Variants in SMURF1 observed in about 807,000 individuals in gnomAD.
SMURF1 encodes the protein E3 ubiquitin-protein ligase SMURF1.
In SMURF1, 44 loss-of-function variants were observed where a neutral mutation model predicts 98.0. The observed-to-expected ratio is 0.45, with a 90% CI of 0.35 to 0.58. SMURF1 has a LOEUF of 0.58. Among genes scored for constraint, SMURF1 ranks in the 20% least tolerant of loss-of-function variants. SMURF1 has a pLI of 0.00. For missense variants in SMURF1, 687 were observed against 938.4 expected (o/e 0.73, Z 3.50); for synonymous variants, 396 against 374.9 (o/e 1.06, Z -0.65).
At chr7:99,105,396 A>G (rs1797173336) in intron 1 of SMURF1, among the ~76,000 whole-genome samples, 1 of 152,252 alleles carries the variant, frequency 6.6e-6, no homozygotes, top group South Asian at 2.1e-4. Flanking sequence ...ATTACACATT[A>G]TACCCAAACA....
Position 99,040,565 on chromosome 7 carries a change from G to A in SMURF1, c.1372-9C>T. 1 of 1,422,694 alleles carries A rather than the reference G, an allele frequency of 7.0e-7. No individual in the cohort carries two copies. The highest frequency in any genetic ancestry group is 9.2e-7 in the Non-Finnish European group (1 of 1,081,278). 88.1% of individuals were successfully genotyped at this position (1,422,694 alleles called of 1,614,324 possible). ...AAATAAGACAAGTGGTCCTGTAGGG[G>A]GCACCAGAGAACACGAATTTGTCAG... is the stretch of plus-strand genomic sequence containing the variant. On this transcript the variant is annotated splice_polypyrimidine_tract_variant and intron_variant, in intron 12 of 17. Coordinates refer to ENST00000361368, the MANE Select transcript of SMURF1 (RefSeq NM_181349.3).
intron 13 of SMURF1, 70 bp downstream of exon 13, chr7:99,040,308 C>T (rs1025710469): frequency 2.9e-5 from 39 of 1,350,624 alleles, no homozygotes; most frequent in Non-Finnish European, 3.4e-5. Context: ...CGCGCGCGCG[C>T]ACGCGCATAC....
intron 1 of SMURF1, among the ~76,000 whole-genome samples, chr7:99,143,059 G>A (rs1174251413): frequency 6.7e-6 from 1 of 149,042 alleles, no homozygotes; most frequent in Non-Finnish European, 1.5e-5. Flanking sequence ...GCCCAGGCTA[G>A]GAAAGAAGTG....
intron 1 of SMURF1, among the ~76,000 whole-genome samples, chr7:99,091,150 C>T (rs1796801496): frequency 1.3e-5 from 2 of 152,134 alleles, no homozygotes; most frequent in African/African-American, 4.8e-5. Context: ...GTAGTGAGTG[C>T]ATATATACAT....
chr7:99,077,128 A>T (rs1796481195), intron 1 of SMURF1, among the ~76,000 whole-genome samples: 1 of 151,994 alleles, frequency 6.6e-6, no homozygotes, highest in Admixed American at 6.5e-5. Context: ...TCTTTCTTTA[A>T]TAATAAATTA....
At chr7:99,099,476 G>A (rs1021602550) in intron 1 of SMURF1, among the ~76,000 whole-genome samples, 36 of 152,168 alleles carry the variant, frequency 2.4e-4, no homozygotes, top group Admixed American at 1.7e-3. Flanking sequence ...TCTAAGGTCC[G>A]TGCAGTAATT....
chr7:99,133,431 G>T (rs1412070344), intron 1 of SMURF1, among the ~76,000 whole-genome samples: 1 of 151,942 alleles, frequency 6.6e-6, no homozygotes, highest in African/African-American at 2.4e-5. Flanking sequence ...TTAAGGTATA[G>T]ATTAGAGAAA....
intron 11 of SMURF1, among the ~76,000 whole-genome samples, chr7:99,044,615 T>C (rs1795513620): frequency 6.6e-6 from 1 of 152,088 alleles, no homozygotes; most frequent in Admixed American, 6.5e-5. Context: ...CCTGTTCTTA[T>C]GCAAATGAGA....
intron 8 of SMURF1, chr7:99,050,859 CA>C: frequency 7.6e-7 from 1 of 1,320,588 alleles, no homozygotes; most frequent in Non-Finnish European, 1.0e-6. Flanking sequence ...AAATAAAAAG[CA>C]AAAGAAAAAA....
intron 10 of SMURF1, 127 bp from the exon 11 acceptor site, chr7:99,045,928 A>C (rs1403089179): frequency 2.9e-6 from 2 of 685,064 alleles, no homozygotes; most frequent in Non-Finnish European, 5.2e-6. Flanking sequence ...CTGGCTCCTC[A>C]TCAGAATGTT....
At chr7:99,120,996 C>G (rs995968770) in intron 1 of SMURF1, 1 of 151,060 alleles carries the variant, frequency 6.6e-6, no homozygotes, top group Non-Finnish European at 1.5e-5. Context: ...ATTTTCTTTA[C>G]AAGATTTCTA....
At chr7:99,143,367 G>T (rs1798181671) in intron 1 of SMURF1, among the ~76,000 whole-genome samples, 1 of 134,522 alleles carries the variant, frequency 7.4e-6, no homozygotes, top group Admixed American at 7.3e-5. Flanking sequence ...GGAAGGAGAT[G>T]CAAGGGGCGG....
At chr7:99,133,665 C>A (rs1273930082) in intron 1 of SMURF1, among the ~76,000 whole-genome samples, 1 of 152,128 alleles carries the variant, frequency 6.6e-6, no homozygotes, top group Non-Finnish European at 1.5e-5. Flanking sequence ...TGAGTATACA[C>A]CCAACAGAAG....
intron 1 of SMURF1, among the ~76,000 whole-genome samples, chr7:99,124,757 C>T (rs1797710254): frequency 6.6e-6 from 1 of 152,084 alleles, no homozygotes; most frequent in African/African-American, 2.4e-5. Context: ...AAGCATGTTA[C>T]AATAAAGCAG....
At chr7:99,051,806 C>A (rs924005382) in intron 7 of SMURF1, among the ~76,000 whole-genome samples, 2 of 152,162 alleles carry the variant, frequency 1.3e-5, no homozygotes, top group African/African-American at 4.8e-5. Flanking sequence ...CCACAATTAT[C>A]AAATGGCATA....
chr7:99,031,926 A>G (rs1433820744), intron 17 of SMURF1, among the ~76,000 whole-genome samples: 1 of 152,216 alleles, frequency 6.6e-6, no homozygotes, highest in Non-Finnish European at 1.5e-5. Flanking sequence ...AAGTGTACGC[A>G]AGTGATTGTA....
At chr7:99,112,886 G>A (rs758877955) in intron 1 of SMURF1, among the ~76,000 whole-genome samples, 3 of 152,056 alleles carry the variant, frequency 2.0e-5, no homozygotes, top group Non-Finnish European at 4.4e-5. Context: ...AAAAATTCAC[G>A]AGAGGCTCAA....
chr7:99,040,610 G>A, intron 12 of SMURF1, 54 bp from the exon 13 acceptor site: 19 of 1,358,104 alleles, frequency 1.4e-5, no homozygotes, highest in Non-Finnish European at 1.8e-5. Context: ...GGCCAATGTG[G>A]GAATCTCGTG....
At chr7:99,133,129 C>A (rs2150644566) in intron 1 of SMURF1, among the ~76,000 whole-genome samples, 1 of 152,308 alleles carries the variant, frequency 6.6e-6, no homozygotes, top group East Asian at 1.9e-4. Context: ...CACCCACACG[C>A]AGTGCACGCG....
Sources: allele counts gnomAD v4.1 joint callset (sites outside exome capture counted in the v4.1 genomes callset), GRCh38; gene constraint gnomAD v4.1.1; transcripts MANE v1.5; gene names NCBI Gene and HGNC (gene_info 2026-07-23, HGNC 2026-07-21).